Variants in SCRG1 observed in about 807,000 individuals in gnomAD.
SCRG1 encodes scrapie-responsive protein 1.
A neutral mutation model predicts 7.7 loss-of-function variants in SCRG1; 3 were observed. The ratio of observed to expected loss-of-function variants is 0.39; its 90% CI spans 0.18 to 1.01. The LOEUF is 1.01. Ranked by LOEUF, SCRG1 falls within the 50% of genes least tolerant of loss-of-function variation. The pLI, the probability that SCRG1 is intolerant of heterozygous loss-of-function variation, is 0.36. For synonymous variants in SCRG1, 46 were observed against 41.2 expected (o/e 1.12, Z -0.44); for missense variants, 110 against 117.2 (o/e 0.94, Z 0.28).
the SCRG1 span, among the ~76,000 whole-genome samples, chr4:173,441,658 T>G: frequency 6.6e-6 from 1 of 152,342 alleles, no homozygotes; most frequent in Non-Finnish European, 1.5e-5. Flanking sequence ...TGTAAACCAC[T>G]GTGCTAGATG....
chr4:173,448,542 A>G, the SCRG1 span, among the ~76,000 whole-genome samples: 2 of 152,254 alleles, frequency 1.3e-5, no homozygotes, highest in Non-Finnish European at 2.9e-5. Flanking sequence ...AAGGTTTTAC[A>G]CTGGGATTTG....
At chr4:173,512,394 A>G in the SCRG1 span, among the ~76,000 whole-genome samples, 1 of 152,244 alleles carries the variant, frequency 6.6e-6, no homozygotes, top group Non-Finnish European at 1.5e-5. Context: ...TTATTATGAG[A>G]CAGGAGTGGG....
chr4:173,469,976 G>A, the SCRG1 span: 2 of 151,974 alleles, frequency 1.3e-5, no homozygotes, highest in African/African-American at 4.8e-5. Flanking sequence ...AGTCTTTCTA[G>A]GGCTCTTGTC....
chr4:173,501,761 A>T, the SCRG1 span, among the ~76,000 whole-genome samples: 1 of 152,182 alleles, frequency 6.6e-6, no homozygotes, highest in Non-Finnish European at 1.5e-5. The surrounding 1 kb of genome is among the most constrained non-coding windows in gnomAD (Gnocchi z 5.1). Context: ...TTTGGGCGCT[A>T]GGTTGAAGGT....
the SCRG1 span, among the ~76,000 whole-genome samples, chr4:173,484,226 AAT>A: frequency 1.2e-5 from 1 of 83,080 alleles, no homozygotes; most frequent in Non-Finnish European, 2.1e-5. Context: ...TATTATATAT[AAT>A]ATATATTTAT....
chr4:173,425,987 T>A, the SCRG1 span, among the ~76,000 whole-genome samples: 1 of 152,242 alleles, frequency 6.6e-6, no homozygotes, highest in Non-Finnish European at 1.5e-5. Context: ...GCCCATGCCA[T>A]GGGGGGCTGA....
chr4:173,399,218 C>G (rs1426096647), upstream of SCRG1: 1 of 152,114 alleles, frequency 6.6e-6, no homozygotes, highest in Non-Finnish European at 1.5e-5. Flanking sequence ...GGCCTGGGAT[C>G]GACAGACTCG....
the SCRG1 span, among the ~76,000 whole-genome samples, chr4:173,504,008 A>G: frequency 6.6e-6 from 1 of 152,118 alleles, no homozygotes; most frequent in Admixed American, 6.5e-5. The surrounding 1 kb of genome is among the most constrained non-coding windows in gnomAD (Gnocchi z 4.7). Context: ...CAGTAATTGC[A>G]TTCCAGTCCT....
At chr4:173,430,594 G>T in the SCRG1 span, among the ~76,000 whole-genome samples, 1 of 152,148 alleles carries the variant, frequency 6.6e-6, no homozygotes, top group South Asian at 2.1e-4. Flanking sequence ...TTTGAGACCT[G>T]CCTGGGCAAC....
intron 1 of SCRG1, among the ~76,000 whole-genome samples, chr4:173,394,366 C>T (rs1288990342): frequency 1.3e-5 from 2 of 151,904 alleles, no homozygotes; most frequent in African/African-American, 2.4e-5. Flanking sequence ...TATAATTGGC[C>T]AGGCGCAGTG....
chr4:173,401,550 A>G (rs1230609541), upstream of SCRG1, among the ~76,000 whole-genome samples: 1 of 152,034 alleles, frequency 6.6e-6, no homozygotes, highest in Non-Finnish European at 1.5e-5. Flanking sequence ...TGTGTTGCTT[A>G]TTTTGTCTCC....
chr4:173,493,344 C>T, the SCRG1 span, among the ~76,000 whole-genome samples: 2 of 152,080 alleles, frequency 1.3e-5, no homozygotes, highest in Non-Finnish European at 2.9e-5. Flanking sequence ...TGCTTGCTTC[C>T]CCTTCTGCCT....
chr4:173,409,092 G>A (rs149766883), upstream of SCRG1, among the ~76,000 whole-genome samples: 635 of 151,862 alleles, frequency 4.2e-3, 3 homozygotes, highest in African/African-American at 0.015. Context: ...TGACCTAAAA[G>A]GTTCTGAGAT....
the SCRG1 span, among the ~76,000 whole-genome samples, chr4:173,473,307 G>A: frequency 6.6e-6 from 1 of 152,222 alleles, no homozygotes; most frequent in African/African-American, 2.4e-5. Flanking sequence ...TTAATGGTAG[G>A]CTGGCCTGAC....
At chr4:173,469,123 G>C in the SCRG1 span, 1 of 152,156 alleles carries the variant, frequency 6.6e-6, no homozygotes, top group Non-Finnish European at 1.5e-5. Context: ...ACACAAGACA[G>C]GGTTCAGAAT....
chr4:173,407,207 CAAA>C (rs113112174), upstream of SCRG1, among the ~76,000 whole-genome samples: 2 of 83,048 alleles, frequency 2.4e-5, no homozygotes, highest in Non-Finnish European at 2.6e-5. Flanking sequence ...AGATCCATCT[CAAA>C]AAAAAAAAAA....
upstream of SCRG1, chr4:173,399,151 G>T (rs1264472074): frequency 3.3e-5 from 5 of 152,276 alleles, no homozygotes; most frequent in Non-Finnish European, 5.9e-5. Flanking sequence ...AAAAGGAGAA[G>T]AGAGGAGGTG....
chr4:173,476,363 A>ATATATATATATATATATATATATATATAT, the SCRG1 span, among the ~76,000 whole-genome samples: 27 of 98,472 alleles, frequency 2.7e-4, no homozygotes, highest in African/African-American at 7.7e-4. Flanking sequence ...GGAAAAAAAA[A>ATATATATATATATATATATATATATATAT]ATATATATAT....
At chr4:173,458,558 A>T in the SCRG1 span, among the ~76,000 whole-genome samples, 6 of 152,352 alleles carry the variant, frequency 3.9e-5, no homozygotes, top group East Asian at 9.6e-4. Context: ...AATAATCACC[A>T]TCATGAAAAC....
Sources: allele counts gnomAD v4.1 joint callset (sites outside exome capture counted in the v4.1 genomes callset), GRCh38; gene constraint gnomAD v4.1.1; non-coding constraint Gnocchi (gnomAD v3.1); transcripts MANE v1.5; gene names NCBI Gene and HGNC (gene_info 2026-07-23, HGNC 2026-07-21).